The following MMP26 variants were observed in gnomAD, a reference collection of about 807,000 sequenced individuals.
MMP26 encodes the protein matrix metalloproteinase-26.
In MMP26, 33 loss-of-function variants were observed where a neutral mutation model predicts 31.0. The observed-to-expected ratio is 1.06, with a 90% confidence interval of 0.81 to 1.42. The LOEUF (loss-of-function observed/expected upper bound fraction) is 1.42, where lower values mean the gene tolerates loss of function less well. Among genes scored for constraint, MMP26 ranks in the 40% most tolerant of loss-of-function variants. MMP26 has a pLI of 0.00. For missense variants in MMP26, 347 were observed against 316.1 expected, an observed-to-expected ratio of 1.10 and a Z score of -0.74; for synonymous variants, 122 against 114.9, an observed-to-expected ratio of 1.06 and a Z score of -0.40.
At chr11:4,723,463 T>G (rs1848048253) in intron 1 of MMP26, 2 of 1,073,772 alleles carry the variant, frequency 1.9e-6, no homozygotes, top group Admixed American at 3.4e-5. Context: ...CACAGATGTG[T>G]CCGAAATCTG....
intron 2 of MMP26, chr11:4,903,724 C>T (rs1333098076): frequency 6.6e-6 from 1 of 152,084 alleles, no homozygotes; most frequent in African/African-American, 2.4e-5. Flanking sequence ...GAAGTAGGTA[C>T]CTCTAGATAA....
At chr11:4,847,323 C>A (rs960635385) in intron 2 of MMP26, among the ~76,000 whole-genome samples, 1 of 152,136 alleles carries the variant, frequency 6.6e-6, no homozygotes, top group Non-Finnish European at 1.5e-5. Context: ...ACCGATAATT[C>A]CAAATGCCAC....
chr11:4,878,299 C>T (rs1850412345), intron 2 of MMP26, among the ~76,000 whole-genome samples: 1 of 152,016 alleles, frequency 6.6e-6, no homozygotes. Context: ...CTGCTTAGTC[C>T]ATTAGAATCA....
chr11:4,946,845 T>A (rs1293706376), intron 2 of MMP26: 14 of 1,590,054 alleles, frequency 8.8e-6, no homozygotes, highest in Non-Finnish European at 1.1e-5. Flanking sequence ...AACAGGAAGA[T>A]GCTTAACACA....
intron 2 of MMP26, chr11:4,795,073 A>G (rs1849087352): frequency 6.6e-6 from 1 of 152,250 alleles, no homozygotes; most frequent in African/African-American, 2.4e-5. Flanking sequence ...CTTAGAACCA[A>G]TAAAAGGATA....
chr11:4,958,195 T>C (rs1358781734), intron 2 of MMP26, among the ~76,000 whole-genome samples: 1 of 152,200 alleles, frequency 6.6e-6, no homozygotes, highest in Non-Finnish European at 1.5e-5. Context: ...CCCCCCTTCC[T>C]CTTCTGCATT....
Position 4,988,271 on chromosome 11 carries a change from G to T in MMP26, c.60G>T (p.Val20=). The change falls in exon 3 of 8, where the codon GTG becomes GTT. Residue 20 remains valine, a synonymous_variant. Coordinates refer to ENST00000380390, the MANE Select transcript of MMP26 (RefSeq NM_021801.5). ...TGCCCTGGTGTTTCGCCGTTCCAGT[G>T]CCCCCTGCTGCAGACCATAAAGGAT... is the stretch of plus-strand genomic sequence containing the variant. The part of the protein sequence containing the change: ...IFLPWCFAVP[V]PPAADHKGWD... 6.2e-7 allele frequency: 1 copy of T among 1,614,054 alleles called. No homozygotes were observed. The highest frequency in any genetic ancestry group is 1.3e-5 in the African/African-American group (1 of 74,990).
intron 2 of MMP26, among the ~76,000 whole-genome samples, chr11:4,935,875 A>C (rs1474057727): frequency 1.5e-4 from 23 of 150,042 alleles, no homozygotes; most frequent in South Asian, 8.6e-4. Flanking sequence ...ATGCTGGATT[A>C]CATTTATTGA....
intron 2 of MMP26, among the ~76,000 whole-genome samples, chr11:4,902,589 CT>C (rs1850819981): frequency 6.6e-6 from 1 of 151,980 alleles, no homozygotes; most frequent in South Asian, 2.1e-4. Context: ...TGTTTGTTTT[CT>C]TATTGAGTTT....
intron 2 of MMP26, among the ~76,000 whole-genome samples, chr11:4,921,637 C>T (rs1350755487): frequency 4.6e-5 from 7 of 152,102 alleles, no homozygotes; most frequent in Admixed American, 6.6e-5. Flanking sequence ...TGGTATTTCA[C>T]GAGAATGTAT....
Position 4,748,704 on chromosome 11 carries a change from G to A in MMP26, c.-216-18566G>A, listed in dbSNP as rs138784155. Among the ~76,000 whole-genome samples the A allele has an allele frequency of 4.2e-4, 63 of 150,920 alleles. 1 individual carries two copies. The highest frequency in any genetic ancestry group is 2.7e-3 in the South Asian group (13 of 4,786). ...CTTTTTTTAAAAAAAATATGATCAC[G>A]GCAATAGTTGCAGAATAAGCAATTG... On this transcript the variant is annotated intron_variant, in intron 1 of 7. Transcript: ENST00000380390.
At chr11:4,967,949 T>C (rs546741584) in intron 2 of MMP26, among the ~76,000 whole-genome samples, 2 of 152,220 alleles carry the variant, frequency 1.3e-5, no homozygotes, top group South Asian at 2.1e-4. Context: ...ATTCAGAAAA[T>C]AGGACATTGA....
chr11:4,989,733 A>T lies in MMP26; in HGVS notation c.185A>T (p.His62Leu), dbSNP rs1231207126. The T allele has an allele frequency of 4.3e-5, 70 of 1,613,852 alleles. No homozygotes were observed. The highest frequency in any genetic ancestry group is 5.6e-5 in the Non-Finnish European group (66 of 1,180,012). ...CAAACACAGCTCCTGCAACAATTCC[A>T]TCGGAATGGGACAGACCTACTTGAC... is the stretch of plus-strand genomic sequence containing the variant. ...ETQTQLLQQF[H>L]RNGTDLLDMQ... Residue 62 changes from histidine to leucine, a missense_variant, in exon 4 of 8, where the codon CAT (histidine) becomes CTT (leucine). His to Leu is a moderately conservative substitution (Grantham distance 99). Coordinates refer to ENST00000380390, the MANE Select transcript of MMP26 (RefSeq NM_021801.5).
At chr11:4,782,225 G>A (rs2133433500) in intron 2 of MMP26, among the ~76,000 whole-genome samples, 2 of 152,292 alleles carry the variant, frequency 1.3e-5, no homozygotes, top group East Asian at 3.9e-4. Context: ...GGGTCTTGTT[G>A]AATGGCTTTG....
At chr11:4,894,851 T>C (rs1036432993) in intron 2 of MMP26, among the ~76,000 whole-genome samples, 1 of 152,204 alleles carries the variant, frequency 6.6e-6, no homozygotes, top group African/African-American at 2.4e-5. Flanking sequence ...TAGATTATTT[T>C]TATATTCAAA....
At position 4,921,420 on chromosome 11, in the gene MMP26, G is replaced by C. The variant is rs186814659; in HGVS notation, c.-144-66648G>C. On this transcript the variant is annotated intron_variant, in intron 2 of 7. Transcript: ENST00000380390. ...CAAAACAAAATAAAATAAAATAAAT[G>C]ACAGTGGCAGATCCGTGAGGGATTC... 1.3e-3 allele frequency among the ~76,000 whole-genome samples: 203 copies of C among 152,330 alleles called. 3 individuals carry two copies. Among genetic ancestry groups the C allele is most frequent in the Admixed American group, 5.0e-3 (76 of 15,300 alleles).
chr11:4,903,195 C>T (rs1325122534), intron 2 of MMP26, among the ~76,000 whole-genome samples: 1 of 151,978 alleles, frequency 6.6e-6, no homozygotes, highest in African/African-American at 2.4e-5. Context: ...ACTCCTCGGA[C>T]GGTTCTAGTG....
intron 2 of MMP26, among the ~76,000 whole-genome samples, chr11:4,855,096 A>G (rs1224252904): frequency 6.6e-6 from 1 of 152,146 alleles, no homozygotes; most frequent in Non-Finnish European, 1.5e-5. Flanking sequence ...GGTAGATAAA[A>G]CCACAAAGAT....
At chr11:4,928,242 T>G (rs1020053721) in intron 2 of MMP26, among the ~76,000 whole-genome samples, 1 of 152,156 alleles carries the variant, frequency 6.6e-6, no homozygotes, top group Non-Finnish European at 1.5e-5. Flanking sequence ...AGTTTACTGC[T>G]AATATAATTT....
Sources: allele counts gnomAD v4.1 joint callset (sites outside exome capture counted in the v4.1 genomes callset), GRCh38; gene constraint gnomAD v4.1.1; transcripts MANE v1.5; gene names NCBI Gene and HGNC (gene_info 2026-07-23, HGNC 2026-07-21).